DDAH1: variants seen among roughly 807,000 people sequenced by gnomAD.
The protein encoded by DDAH1 is N(G),N(G)-dimethylarginine dimethylaminohydrolase 1.
DDAH1 carries 19 observed loss-of-function variants against 28.8 expected under a neutral mutation model. That is an observed-to-expected ratio of 0.66 (90% confidence interval 0.46 to 0.97). DDAH1 has a LOEUF of 0.97. Ranked by LOEUF, DDAH1 falls within the 50% of genes least tolerant of loss-of-function variation. DDAH1 has a pLI of 0.00. For synonymous variants in DDAH1, 153 were observed against 154.4 expected, an observed-to-expected ratio of 0.99 and a Z score of 0.07; for missense variants, 326 against 375.9, an observed-to-expected ratio of 0.87 and a Z score of 1.10.
intron 2 of DDAH1, chr1:85,495,521 A>AG (rs1282678607): frequency 6.6e-6 from 1 of 152,214 alleles, no homozygotes; most frequent in African/African-American, 2.4e-5. Flanking sequence ...GCATCCAGTG[A>AG]GAATGTGGTT....
chr1:85,565,991 G>T (rs1659286102), intron 1 of DDAH1, among the ~76,000 whole-genome samples: 1 of 151,562 alleles, frequency 6.6e-6, no homozygotes, highest in African/African-American at 2.4e-5. Flanking sequence ...TGAGACAGGA[G>T]AATCACTTGA....
chr1:85,568,925 T>C (rs1253700194), intron 1 of DDAH1, among the ~76,000 whole-genome samples: 1 of 152,204 alleles, frequency 6.6e-6, no homozygotes, highest in Non-Finnish European at 1.5e-5. Flanking sequence ...TCACTCATTA[T>C]ATACACACTA....
At chr1:85,386,224 T>C (rs910093098) in intron 1 of DDAH1, among the ~76,000 whole-genome samples, 2 of 152,194 alleles carry the variant, frequency 1.3e-5, no homozygotes, top group African/African-American at 4.8e-5. Context: ...TGTTCCAGCA[T>C]CAACTCAGAA....
intron 1 of DDAH1, among the ~76,000 whole-genome samples, chr1:85,385,555 A>T (rs1231128756): frequency 6.6e-6 from 1 of 152,198 alleles, no homozygotes; most frequent in East Asian, 1.9e-4. Context: ...ATCAAGGCAT[A>T]ACCTCTTATC....
chr1:85,379,847 A>C, intron 1 of DDAH1: 1 of 339,096 alleles, frequency 2.9e-6, no homozygotes, highest in South Asian at 1.2e-4. Context: ...CCACGTTTCT[A>C]CCACTGGAAA....
intron 1 of DDAH1, among the ~76,000 whole-genome samples, chr1:85,416,582 G>A (rs539886252): frequency 1.6e-4 from 24 of 152,332 alleles, no homozygotes; most frequent in African/African-American, 5.3e-4. Flanking sequence ...TTTAAAAACA[G>A]TTGTCTCTAG....
At chr1:85,427,873 G>A (rs1308609206) in intron 1 of DDAH1, among the ~76,000 whole-genome samples, 1 of 152,148 alleles carries the variant, frequency 6.6e-6, no homozygotes, top group African/African-American at 2.4e-5. Flanking sequence ...AGGTGAGGGA[G>A]GGGATAGGAA....
intron 1 of DDAH1, among the ~76,000 whole-genome samples, chr1:85,537,064 A>G (rs1219545270): frequency 6.6e-6 from 1 of 150,660 alleles, no homozygotes; most frequent in Non-Finnish European, 1.5e-5. Context: ...AGAATAGCCG[A>G]GTGCAGTGGC....
At position 85,484,476 on chromosome 1, in the gene DDAH1, G is replaced by A. The variant is rs941896862; in HGVS notation, c.-7+11690C>T. On this transcript the variant is annotated intron_variant, in intron 2 of 6. Transcript: ENST00000426972. The stretch of plus-strand genomic sequence containing the variant: ...CCTTGACAGTTTTCCTGCTGATGAG[G>A]CTGATGGAAGGACTAGAACAAAGGT... Among the ~76,000 whole-genome samples, 4 of 152,036 alleles carry A rather than the reference G, an allele frequency of 2.6e-5. No homozygotes were observed. In the South Asian group the frequency reaches 6.2e-4, roughly 24 times the overall value.
chr1:85,537,363 C>T (rs1182278409), intron 1 of DDAH1, among the ~76,000 whole-genome samples: 2 of 151,458 alleles, frequency 1.3e-5, no homozygotes, highest in Admixed American at 1.3e-4. Flanking sequence ...AAAAAAAATC[C>T]TGTAACATGC....
chr1:85,464,619 C>T lies in DDAH1; in HGVS notation c.303+124G>A. On this transcript the variant is annotated intron_variant, in intron 1 of 5. Transcript: ENST00000284031. This position sits in a 1 kb window ranked among gnomAD's most constrained non-coding sequence, Gnocchi z 4.4. ...ACACACACACACACACACTCGCCCCCCGACGGGAAGTTGTGAACTACTAGC... is the reference window on the plus strand; with the variant it reads ...ACACACACACACACACACTCGCCCCTCGACGGGAAGTTGTGAACTACTAGC... 10 of 1,515,770 alleles carry T rather than the reference C, an allele frequency of 6.6e-6. No individual in the cohort carries two copies. In the South Asian group the frequency reaches 8.6e-5, roughly 13 times the overall value. 93.9% of individuals were successfully genotyped at this position (1,515,770 alleles called of 1,614,324 possible).
At chr1:85,402,286 C>T (rs1557585787) in intron 1 of DDAH1, among the ~76,000 whole-genome samples, 2 of 151,716 alleles carry the variant, frequency 1.3e-5, no homozygotes, top group Non-Finnish European at 2.9e-5. Flanking sequence ...CAGGTGTGAG[C>T]CACTGTGCCC....
At position 85,416,076 on chromosome 1, in the gene DDAH1, T is replaced by C; in HGVS notation, c.303+48667A>G. Reference sequence around the variant, plus strand: ...TAACCCCTTAATTTATTAATACTGATGCTCATACTTTTAGTTTTGAGTTTG... The same window carrying C: ...TAACCCCTTAATTTATTAATACTGACGCTCATACTTTTAGTTTTGAGTTTG... On this transcript the variant is annotated intron_variant, in intron 1 of 5. Transcript: ENST00000284031. Among the ~76,000 whole-genome samples the C allele has an allele frequency of 1.3e-5, 2 of 152,172 alleles. 1 individual carries two copies. Among genetic ancestry groups the C allele is most frequent in the East Asian group, 3.9e-4 (2 of 5,178 alleles).
Position 85,350,467 on chromosome 1 carries a change from C to T in DDAH1, c.545G>A (p.Gly182Glu). Reference protein sequence around the residue: ...LHLKSFCSMAGPNLIAIGSSE... With the variant: ...LHLKSFCSMAEPNLIAIGSSE... ...AGACCCAATTGCGATCAGGTTAGGCCCAGCCATGCTGCAGAAACTCTTCAA... is the reference window on the plus strand; with the variant it reads ...AGACCCAATTGCGATCAGGTTAGGCTCAGCCATGCTGCAGAAACTCTTCAA... Residue 182 changes from glycine to glutamate, a missense_variant, in exon 4 of 6, where the codon GGG (glycine) becomes GAG (glutamate). Coordinates refer to ENST00000284031, the MANE Select transcript of DDAH1 (RefSeq NM_012137.4). The T allele has an allele frequency of 6.2e-7, 1 of 1,614,072 alleles. No homozygotes were observed. The highest frequency in any genetic ancestry group is 8.5e-7 in the Non-Finnish European group (1 of 1,180,006).
intron 1 of DDAH1, among the ~76,000 whole-genome samples, chr1:85,543,865 T>C (rs1392934549): frequency 2.0e-5 from 3 of 152,142 alleles, no homozygotes; most frequent in East Asian, 1.9e-4. Flanking sequence ...TTTGCTTCAA[T>C]TGGATGATGG....
intron 1 of DDAH1, among the ~76,000 whole-genome samples, chr1:85,375,671 T>G (rs545813981): frequency 6.6e-6 from 1 of 152,298 alleles, no homozygotes; most frequent in South Asian, 2.1e-4. Flanking sequence ...CTATGCAGTA[T>G]TACTCTTTCT....
chr1:85,340,268 T>A (rs550146416), intron 4 of DDAH1, among the ~76,000 whole-genome samples: 1 of 152,172 alleles, frequency 6.6e-6, no homozygotes, highest in African/African-American at 2.4e-5. Flanking sequence ...ATTCCTAAAA[T>A]GTGAATCTAG....
intron 1 of DDAH1, among the ~76,000 whole-genome samples, chr1:85,516,312 G>T (rs1248698341): frequency 4.8e-5 from 7 of 146,202 alleles, no homozygotes; most frequent in African/African-American, 1.8e-4. Context: ...TTTCTAGCTG[G>T]ACAAAGTTTG....
chr1:85,421,927 T>C lies in DDAH1; in HGVS notation c.303+42816A>G, dbSNP rs76683226. On this transcript the variant is annotated intron_variant, in intron 1 of 5. Coordinates refer to ENST00000284031, the MANE Select transcript of DDAH1 (RefSeq NM_012137.4). The stretch of plus-strand genomic sequence containing the variant: ...ATGCAGGTTTTTGTGTGGACATGCT[T>C]TTTCAATGCATTTGGGTAAATACTT... Among the ~76,000 whole-genome samples, 147 of 152,308 alleles carry C rather than the reference T, an allele frequency of 9.7e-4. 1 individual carries two copies. Among genetic ancestry groups the C allele is most frequent in the Middle Eastern group, 3.4e-3 (1 of 294 alleles).
Sources: allele counts gnomAD v4.1 joint callset (sites outside exome capture counted in the v4.1 genomes callset), GRCh38; gene constraint gnomAD v4.1.1; non-coding constraint Gnocchi (gnomAD v3.1); transcripts MANE v1.5; gene names NCBI Gene and HGNC (gene_info 2026-07-23, HGNC 2026-07-21).